NBEA: variants seen among roughly 807,000 people sequenced by gnomAD.
NBEA encodes neurobeachin, also known as lysosomal-trafficking regulator 2.
A neutral mutation model predicts 343.4 loss-of-function variants in NBEA; 44 were observed. The observed-to-expected ratio is 0.13, with a 90% CI of 0.10 to 0.16. The LOEUF (loss-of-function observed/expected upper bound fraction) is 0.16, where lower values mean the gene tolerates loss of function less well. Among genes scored for constraint, NBEA ranks in the 10% least tolerant of loss-of-function variants. NBEA has a pLI of 1.00. For synonymous variants in NBEA, 1,175 were observed against 1,238.7 expected (o/e 0.95, Z 1.08); for missense variants, 2,555 against 3,631.3 (o/e 0.70, Z 7.62).
At chr13:35,581,603 A>G (rs1028764989) in intron 45 of NBEA, among the ~76,000 whole-genome samples, 2 of 151,810 alleles carry the variant, frequency 1.3e-5, no homozygotes, top group Non-Finnish European at 2.9e-5. Context: ...TGAAATTGGA[A>G]ATCATCATTC....
chr13:35,438,340 ATGCATGGCT>A (rs931499993), intron 39 of NBEA, among the ~76,000 whole-genome samples: 11 of 152,352 alleles, frequency 7.2e-5, no homozygotes, highest in Non-Finnish European at 1.2e-4. Context: ...TTGATGGTAT[ATGCATGGCT>A]ACTGTAATGT....
chr13:35,530,857 A>C (rs2078228649), intron 41 of NBEA, among the ~76,000 whole-genome samples: 1 of 152,186 alleles, frequency 6.6e-6, no homozygotes, highest in East Asian at 1.9e-4. Flanking sequence ...GATCATTACT[A>C]ACAGTCTACA....
At position 35,050,331 on chromosome 13, in the gene NBEA, C is replaced by T. The variant is rs753968669; in HGVS notation, c.908C>T (p.Thr303Ile). 6.2e-7 allele frequency: 1 copy of T among 1,609,112 alleles called. No individual in the cohort carries two copies. Among genetic ancestry groups the T allele is most frequent in the Non-Finnish European group, 8.5e-7 (1 of 1,178,050 alleles). ...TTTGTTGGCAACTGTTTAATAGTCA[C>T]ATCATTGAAGTCCAAAGGAAAAGGT... ...AHFVGNCLIV[T>I]SLKSKGKGFQ... The change falls in exon 6 of 59, where the codon ACA becomes ATA. Residue 303 changes from threonine (T) to isoleucine (I), a missense_variant. Physicochemically the swap from Thr to Ile is moderately conservative, Grantham distance 89. This residue lies in a region of NBEA where 75 missense variants were observed against 237.4 expected (regional missense o/e 0.32). Transcript: ENST00000379939.
At position 35,613,528 on chromosome 13, in the gene NBEA, T is replaced by C. The variant is rs571137554; in HGVS notation, c.7449+6950T>C. Reference sequence around the variant, plus strand: ...GGGAACATGAGAATGCAAATATCCCTTTAGCATACTGATTTCAGTTACTTT... The same window carrying C: ...GGGAACATGAGAATGCAAATATCCCCTTAGCATACTGATTTCAGTTACTTT... On this transcript the variant is annotated intron_variant, in intron 48 of 58. Coordinates refer to ENST00000379939, the MANE Select transcript of NBEA (RefSeq NM_001385012.1). Among the ~76,000 whole-genome samples the C allele has an allele frequency of 8.5e-5, 13 of 152,294 alleles. No individual in the cohort carries two copies. The South Asian group carries it at 2.7e-3, about 32-fold the overall frequency.
intron 1 of NBEA, among the ~76,000 whole-genome samples, chr13:35,002,203 T>C (rs1447683477): frequency 6.6e-6 from 1 of 152,174 alleles, no homozygotes; most frequent in East Asian, 1.9e-4. Context: ...ACAGGTTACA[T>C]ACAGTTTGTG....
At chr13:35,552,588 G>C (rs917647585) in intron 43 of NBEA, among the ~76,000 whole-genome samples, 1 of 152,118 alleles carries the variant, frequency 6.6e-6, no homozygotes, top group African/African-American at 2.4e-5. Flanking sequence ...CATACTATTT[G>C]TTTAATCATC....
chr13:35,505,371 C>T (rs1452832100), intron 41 of NBEA, among the ~76,000 whole-genome samples: 1 of 152,160 alleles, frequency 6.6e-6, no homozygotes, highest in African/African-American at 2.4e-5. Flanking sequence ...TAATGTAAAA[C>T]TTAGTTAAAC....
chr13:34,972,620 A>G (rs1414752298), intron 1 of NBEA, among the ~76,000 whole-genome samples: 2 of 152,102 alleles, frequency 1.3e-5, no homozygotes, highest in African/African-American at 2.4e-5. Flanking sequence ...TTCAATTTCC[A>G]TGTAATTGTA....
intron 34 of NBEA, among the ~76,000 whole-genome samples, chr13:35,244,369 G>A (rs545784758): frequency 6.6e-6 from 1 of 151,966 alleles, no homozygotes; most frequent in South Asian, 2.1e-4. Context: ...TGTTGAAAGA[G>A]TATCCTTTCC....
chr13:35,437,028 G>T (rs137934322), intron 39 of NBEA, among the ~76,000 whole-genome samples: 2 of 152,266 alleles, frequency 1.3e-5, no homozygotes, highest in Non-Finnish European at 2.9e-5. Flanking sequence ...TATTAATGTA[G>T]TAAGTATACT....
chr13:35,595,981 C>T (rs1485005368), intron 47 of NBEA, among the ~76,000 whole-genome samples: 1 of 151,980 alleles, frequency 6.6e-6, no homozygotes, highest in Non-Finnish European at 1.5e-5. Context: ...GGTCACATGT[C>T]TTTTTCTTAC....
chr13:35,609,629 C>A (rs2082416544), intron 48 of NBEA, among the ~76,000 whole-genome samples: 1 of 152,102 alleles, frequency 6.6e-6, no homozygotes, highest in East Asian at 1.9e-4. Context: ...ATCAGTTTCT[C>A]ATTATAGTTA....
intron 45 of NBEA, among the ~76,000 whole-genome samples, chr13:35,577,793 A>G (rs992870000): frequency 6.6e-6 from 1 of 152,176 alleles, no homozygotes; most frequent in Non-Finnish European, 1.5e-5. Flanking sequence ...ACTGGGTTAA[A>G]AAGATGAGAA....
intron 9 of NBEA, among the ~76,000 whole-genome samples, 163 bp downstream of exon 9, chr13:35,070,268 A>G (rs983987826): frequency 2.0e-5 from 3 of 152,014 alleles, no homozygotes; most frequent in Non-Finnish European, 2.9e-5. Flanking sequence ...TCTCTTTTCT[A>G]TAGCAATATA....
intron 34 of NBEA, among the ~76,000 whole-genome samples, chr13:35,277,084 A>C (rs975402930): frequency 6.6e-6 from 1 of 152,208 alleles, no homozygotes; most frequent in African/African-American, 2.4e-5. Flanking sequence ...CATAGGAGAT[A>C]CCTATATGTA....
intron 1 of NBEA, among the ~76,000 whole-genome samples, chr13:34,943,588 C>T (rs1039885767): frequency 1.3e-5 from 2 of 152,146 alleles, no homozygotes; most frequent in African/African-American, 4.8e-5. Flanking sequence ...ACTTGAGCAG[C>T]TGGGGTGTGA....
At chr13:35,629,893 A>G (rs1826612194) in intron 49 of NBEA, among the ~76,000 whole-genome samples, 1 of 152,198 alleles carries the variant, frequency 6.6e-6, no homozygotes, top group Admixed American at 6.5e-5. Flanking sequence ...CTTATATTCT[A>G]AGATCAACTG....
intron 41 of NBEA, chr13:35,475,754 G>A (rs1412280293): frequency 6.2e-7 from 1 of 1,613,894 alleles, no homozygotes; most frequent in East Asian, 2.2e-5. Flanking sequence ...AACCTGGACC[G>A]GATTTTGCGC....
intron 38 of NBEA, among the ~76,000 whole-genome samples, chr13:35,407,385 C>T (rs2043326664): frequency 6.6e-6 from 1 of 151,878 alleles, no homozygotes; most frequent in African/African-American, 2.4e-5. Context: ...AGACAAAAAG[C>T]AACAGCTAAA....
Sources: gnomAD v4.1 joint callset for allele counts (sites outside exome capture counted in the v4.1 genomes callset) on GRCh38, gnomAD v4.1.1 for gene constraint, gnomAD v4.1.1 regional missense constraint, MANE v1.5 for transcripts, NCBI Gene and HGNC (gene_info 2026-07-23, HGNC 2026-07-21) for gene names.